TEP1: variants seen among roughly 807,000 people sequenced by gnomAD.
TEP1 encodes telomerase associated protein 1.
A neutral mutation model predicts 306.3 loss-of-function variants in TEP1; 241 were observed. The observed-to-expected ratio is 0.79, with a 90% CI of 0.71 to 0.88. TEP1 has a LOEUF of 0.88. TEP1 is among the 40% of genes least tolerant of loss of function. TEP1 has a pLI of 0.00. For synonymous variants in TEP1, 1,289 were observed against 1,305.5 expected (o/e 0.99, Z 0.27); for missense variants, 3,051 against 3,276.1 (o/e 0.93, Z 1.68).
At position 20,368,103 on chromosome 14, in the gene TEP1, A is replaced by AG. The variant is rs1009032059; in HGVS notation, c.*333dup. ...CTCCTCCTGGCAAGAATGGCATCCT[A>AG]GGGTCCTAGGGCCCGCGAGTGATGC... On this transcript the variant is annotated 3_prime_UTR_variant, in exon 55 of 55. Coordinates refer to ENST00000262715, the MANE Select transcript of TEP1 (RefSeq NM_007110.5). The AG allele has an allele frequency of 5.4e-6, 1 of 183,598 alleles. No individual in the cohort carries two copies. Among genetic ancestry groups the AG allele is most frequent in the African/African-American group, 2.4e-5 (1 of 42,296 alleles). 11.4% of individuals were successfully genotyped at this position (183,598 alleles called of 1,614,324 possible).
At position 20,373,341 on chromosome 14, in the gene TEP1, T is replaced by G. The variant is rs1884971155; in HGVS notation, c.6743A>C (p.Glu2248Ala). The part of the protein sequence containing the change: ...SGPVRAAAVS[E>A]TSGLMLTASE... ...GGCGGTCAGCATGAGGCCTGAGGTTTCTGAAACAGCAGCAGCACGGACTGG... is the reference window on the plus strand; with the variant it reads ...GGCGGTCAGCATGAGGCCTGAGGTTGCTGAAACAGCAGCAGCACGGACTGG... Residue 2248 changes from glutamate to alanine, a missense_variant, in exon 47 of 55, where the codon GAA (glutamate) becomes GCA (alanine). Glu to Ala is a moderately radical substitution (Grantham distance 107). Around this residue, in one of 3 missense-constraint regions of TEP1, gnomAD observed 1,540 missense variants for 1,705.9 expected, o/e 0.90. Transcript: ENST00000262715. 1 of 1,614,088 alleles carries G rather than the reference T, an allele frequency of 6.2e-7. No homozygotes were observed. Among genetic ancestry groups the G allele is most frequent in the Admixed American group, 1.7e-5 (1 of 60,006 alleles).
rs1419456134 is a variant in TEP1, at chr14:20,378,497, G to A, written c.5391C>T (p.His1797=). Residue 1797 remains histidine, a synonymous_variant, in exon 38 of 55, where the codon CAC becomes CAT. Coordinates refer to ENST00000262715, the MANE Select transcript of TEP1 (RefSeq NM_007110.5). The stretch of plus-strand genomic sequence containing the variant: ...CACAGTTCAGGGACTTGGGGTAGGT[G>A]TGCTGGAAGGCCAGCTGCCCACGGA... The part of the protein sequence containing the change: ...DTVRGQLAFQ[H]TYPKSLNCVA... 1 of 1,614,226 alleles carries A rather than the reference G, an allele frequency of 6.2e-7. No homozygotes were observed. Among genetic ancestry groups the A allele is most frequent in the Non-Finnish European group, 8.5e-7 (1 of 1,180,032 alleles).
chr14:20,405,610 A>G, intron 3 of TEP1, 25 bp from the exon 4 acceptor site: 1 of 1,611,716 alleles, frequency 6.2e-7, no homozygotes, highest in Middle Eastern at 1.7e-4. Flanking sequence ...AGAGGGAAGA[A>G]ATGAGAAGAG....
intron 6 of TEP1, 48 bp from the exon 7 acceptor site, chr14:20,403,496 T>A: frequency 1.2e-6 from 2 of 1,611,718 alleles, no homozygotes; most frequent in East Asian, 4.5e-5. Context: ...CTGGCTGTCC[T>A]TGAAGAGATC....
intron 18 of TEP1, 106 bp downstream of exon 18, chr14:20,387,799 G>T (rs2139094636): frequency 1.5e-6 from 2 of 1,371,484 alleles, no homozygotes; most frequent in East Asian, 2.4e-5. Context: ...ATGCCTTCAT[G>T]AAGAGAACAA....
intron 13 of TEP1, 128 bp downstream of exon 13, chr14:20,391,471 C>A (rs930771494): frequency 8.7e-7 from 1 of 1,153,320 alleles, no homozygotes; most frequent in African/African-American, 1.5e-5. Context: ...TACTTGGAAG[C>A]AAATTCATAT....
rs1055274872 is a variant in TEP1 at position 20,384,495 on chromosome 14, A to C, written c.3235T>G (p.Trp1079Gly). 1.2e-6 allele frequency: 2 copies of C among 1,613,282 alleles called. No individual in the cohort carries two copies. Among genetic ancestry groups the C allele is most frequent in the Non-Finnish European group, 1.7e-6 (2 of 1,179,794 alleles). The change falls in exon 23 of 55, where the codon TGG becomes GGG. Residue 1079 changes from tryptophan to glycine, a missense_variant. Trp to Gly is a radical substitution (Grantham distance 184). Coordinates refer to ENST00000262715, the MANE Select transcript of TEP1 (RefSeq NM_007110.5). ...GGCCGGCCAGCTGCCACACCCCCCC[A>C]CTCACAGGGGTATCTGTGGGCAAAT... Reference protein sequence around the residue: ...GITCRRYPCEWGGVAAGRPYV... With the variant: ...GITCRRYPCEGGGVAAGRPYV...
rs763668337 is a variant in TEP1, at chr14:20,383,806, C to T, written c.3647G>A (p.Arg1216Lys). The T allele has an allele frequency of 3.2e-5, 52 of 1,610,304 alleles. No individual in the cohort carries two copies. The highest frequency in any genetic ancestry group is 3.0e-4 in the South Asian group (27 of 90,596). ...GCCACGCAGATAGGTACAGAGGCGTCTGAGCAGAGTGAGGGCAAGACCCTG... is the reference window on the plus strand; with the variant it reads ...GCCACGCAGATAGGTACAGAGGCGTTTGAGCAGAGTGAGGGCAAGACCCTG... The part of the protein sequence containing the change: ...PDQGLALTLL[R>K]RLCTYLRGQL... Residue 1216 changes from arginine to lysine, a missense_variant, in exon 25 of 55, where the codon AGA becomes AAA. Arg to Lys is a conservative substitution (Grantham distance 26). Around this residue, in one of 3 missense-constraint regions of TEP1, gnomAD observed 1,507 missense variants for 1,550.5 expected, o/e 0.97. Coordinates refer to ENST00000262715, the MANE Select transcript of TEP1 (RefSeq NM_007110.5).
intron 3 of TEP1, 72 bp downstream of exon 3, chr14:20,406,161 T>A: frequency 2.0e-6 from 3 of 1,526,580 alleles, no homozygotes; most frequent in African/African-American, 2.7e-5. Context: ...GGAGGGGACC[T>A]GGTTCAAGTA....
rs1241671792 is a variant in TEP1 at position 20,369,521 on chromosome 14, G to A, written c.7479C>T (p.Cys2493=). The A allele has an allele frequency of 6.2e-7, 1 of 1,614,110 alleles. No homozygotes were observed. The change falls in exon 53 of 55, where the codon TGC becomes TGT. Residue 2493 remains cysteine, a synonymous_variant. Coordinates refer to ENST00000262715, the MANE Select transcript of TEP1 (RefSeq NM_007110.5). ...SDGILWNLAK[C]SPEGEWTTGN... is the part of the protein sequence containing the mutation. ...CTGTGGTCCATTCTCCTTCTGGGCT[G>A]CATTTGGCCAGGTTCCATAGGATCC...
At chr14:20,383,703 G>T in intron 25 of TEP1, 40 bp downstream of exon 25, 2 of 1,608,018 alleles carry the variant, frequency 1.2e-6, no homozygotes, top group Non-Finnish European at 1.7e-6. Flanking sequence ...GGGGTGGTAC[G>T]TGGGCATCAA....
Position 20,373,814 on chromosome 14 carries a change from C to A in TEP1, c.6472-4G>T, listed in dbSNP as rs1220132820. ...TCACAGACACCACGTGCTCCTCCTGCCCACAGAGCACAAGATCAGAGCAGA... is the reference window on the plus strand; with the variant it reads ...TCACAGACACCACGTGCTCCTCCTGACCACAGAGCACAAGATCAGAGCAGA... On this transcript the variant is annotated splice_polypyrimidine_tract_variant and splice_region_variant and intron_variant, in intron 44 of 54. Transcript: ENST00000262715. 6.2e-7 allele frequency: 1 copy of A among 1,612,216 alleles called. No homozygotes were observed. The highest frequency in any genetic ancestry group is 8.5e-7 in the Non-Finnish European group (1 of 1,179,686).
In TEP1 at chr14:20,368,850, G is replaced by A. The variant is rs756287609; in HGVS notation, c.7709C>T (p.Thr2570Ile). The change falls in exon 54 of 55, where the codon ACA (threonine) becomes ATA (isoleucine). Residue 2570 changes from threonine to isoleucine, a missense_variant. Transcript: ENST00000262715. Reference sequence around the variant, plus strand: ...CTTAACATCTCTGTCCTTCGAAGCTGTCACCAGCAACTCAGGTAGCACATG... The same window carrying A: ...CTTAACATCTCTGTCCTTCGAAGCTATCACCAGCAACTCAGGTAGCACATG... ...ALHVLPELLV[T>I]ASKDRDVKLW... The A allele has an allele frequency of 2.5e-6, 4 of 1,613,742 alleles. No homozygotes were observed. Among genetic ancestry groups the A allele is most frequent in the Non-Finnish European group, 2.5e-6 (3 of 1,179,994 alleles).
At position 20,376,237 on chromosome 14, in the gene TEP1, C is replaced by T. The variant is rs775794582; in HGVS notation, c.6116G>A (p.Arg2039Lys). The T allele has an allele frequency of 3.1e-6, 5 of 1,614,166 alleles. No individual in the cohort carries two copies. In the Admixed American group the frequency reaches 8.3e-5, roughly 27 times the overall value. ...CTTGTGTGGCCGCGTCAGCAGCTGC[C>T]TTGGCCACAGCTGCACTGTGAAATC... is the stretch of plus-strand genomic sequence containing the variant. ...SEDFTVQLWP[R>K]QLLTRPHKAE... Residue 2039 changes from arginine to lysine, a missense_variant, in exon 42 of 55, where the codon AGG (arginine) becomes AAG (lysine). Arg to Lys is a conservative substitution (Grantham distance 26). Around this residue, in one of 3 missense-constraint regions of TEP1, gnomAD observed 1,540 missense variants for 1,705.9 expected, o/e 0.90. Transcript: ENST00000262715.
At chr14:20,412,102 T>C (rs1400628685) in intron 1 of TEP1, among the ~76,000 whole-genome samples, 2 of 152,150 alleles carry the variant, frequency 1.3e-5, no homozygotes, top group Non-Finnish European at 2.9e-5. Flanking sequence ...CAAGAAGACC[T>C]GAATGACTAA....
chr14:20,372,981 AG>A, intron 48 of TEP1, 29 bp downstream of exon 48: 1 of 1,613,964 alleles, frequency 6.2e-7, no homozygotes, highest in Non-Finnish European at 8.5e-7. Context: ...GAATTCACAC[AG>A]ACAAAGAACC....
In TEP1 at chr14:20,368,779, CA is replaced by C. The variant is rs773096736; in HGVS notation, c.7761+18del. On this transcript the variant is annotated intron_variant, in intron 54 of 54. Transcript: ENST00000262715. The stretch of plus-strand genomic sequence containing the variant: ...GCAGGCGCACGCACACACACACACA[CA>C]CACACACACACACTTACCAGCTGCA... 4.0e-5 allele frequency: 64 copies of C among 1,598,976 alleles called. No individual in the cohort carries two copies. The highest frequency in any genetic ancestry group is 4.9e-5 in the Non-Finnish European group (57 of 1,167,094).
chr14:20,404,005 G>T, intron 5 of TEP1, 121 bp from the exon 6 acceptor site: 1 of 1,324,670 alleles, frequency 7.5e-7, no homozygotes, highest in Admixed American at 2.2e-5. Flanking sequence ...CCCAGCCCTA[G>T]CTCCAAAATC....
intron 39 of TEP1, 131 bp downstream of exon 39, chr14:20,377,893 C>A: frequency 6.9e-7 from 1 of 1,447,388 alleles, no homozygotes; most frequent in South Asian, 1.2e-5. Context: ...CAGCGGCACC[C>A]CTCTCCCCGT....
Sources: gnomAD v4.1 joint callset for allele counts (sites outside exome capture counted in the v4.1 genomes callset) on GRCh38, gnomAD v4.1.1 for gene constraint, gnomAD v4.1.1 regional missense constraint, MANE v1.5 for transcripts, NCBI Gene and HGNC (gene_info 2026-07-23, HGNC 2026-07-21) for gene names.